The following ELF4 variants were observed in gnomAD, a reference collection of about 807,000 sequenced individuals.
ELF4 encodes E74 like ETS transcription factor 4, also known as ETS-related transcription factor Elf-4.
ELF4 carries 10 observed loss-of-function variants against 31.7 expected under a neutral mutation model. The observed-to-expected ratio is 0.32, with a 90% CI of 0.19 to 0.54. The LOEUF is 0.54. ELF4 is among the 20% of genes least tolerant of loss of function. The pLI, the probability that ELF4 is intolerant of heterozygous loss-of-function variation, is 0.95. For missense variants in ELF4, 418 were observed against 522.0 expected (o/e 0.80, Z 1.94); for synonymous variants, 208 against 226.7 (o/e 0.92, Z 0.74).
intron 1 of ELF4, among the ~76,000 whole-genome samples, chrX:130,087,881 G>A (rs1317396468): frequency 8.9e-6 from 1 of 112,009 alleles, no homozygotes; most frequent in Non-Finnish European, 1.9e-5. Flanking sequence ...TGGAGGTGGC[G>A]GGATGAAATG....
At chrX:130,081,754 C>T (rs543221676) in intron 1 of ELF4, among the ~76,000 whole-genome samples, 3 of 112,296 alleles carry the variant, frequency 2.7e-5, no homozygotes, top group African/African-American at 9.7e-5. Flanking sequence ...GAATGGCCTC[C>T]AGTGGGAAGT....
intron 1 of ELF4, among the ~76,000 whole-genome samples, chrX:130,106,348 C>T (rs1025836564): frequency 9.0e-6 from 1 of 111,251 alleles, no homozygotes; most frequent in Non-Finnish European, 1.9e-5. Context: ...TCTTCCCCAG[C>T]GCCTCCTTCT....
chrX:130,082,764 A>C (rs1932903791), intron 1 of ELF4, among the ~76,000 whole-genome samples: 1 of 106,008 alleles, frequency 9.4e-6, no homozygotes, highest in South Asian at 4.1e-4. Flanking sequence ...CCACCCCATC[A>C]CTGGAGCTTC....
intron 1 of ELF4, among the ~76,000 whole-genome samples, chrX:130,099,690 G>C (rs1569409729): frequency 9.0e-6 from 1 of 111,236 alleles, no homozygotes; most frequent in Non-Finnish European, 1.9e-5. Flanking sequence ...CCAGGCTGGA[G>C]TGCAGCAGTG....
At chrX:130,087,583 T>C (rs999974621) in intron 1 of ELF4, among the ~76,000 whole-genome samples, 1 of 112,258 alleles carries the variant, frequency 8.9e-6, no homozygotes, top group East Asian at 2.8e-4. Flanking sequence ...AGGGTGTGCC[T>C]CAGCCTCCTG....
intron 1 of ELF4, among the ~76,000 whole-genome samples, chrX:130,105,195 C>G (rs993398979): frequency 9.0e-6 from 1 of 111,113 alleles, no homozygotes; most frequent in African/African-American, 3.3e-5. Context: ...AAGAAGGTGG[C>G]AACTCAAGGG....
At chrX:130,111,158 G>C (rs1271838666), upstream of ELF4, among the ~76,000 whole-genome samples, 1 of 109,872 alleles carries the variant, frequency 9.1e-6, no homozygotes, top group Non-Finnish European at 1.9e-5. Context: ...GCTCGCGCCC[G>C]GGGGACCACG....
At chrX:130,084,059 G>A (rs183225895) in intron 1 of ELF4, among the ~76,000 whole-genome samples, 172 of 112,332 alleles carry the variant, frequency 1.5e-3, no homozygotes, top group African/African-American at 4.9e-3. Context: ...CGCTATTTGC[G>A]TTGGTTGTGG....
chrX:130,070,292 G>A lies in ELF4; in HGVS notation c.810-615C>T, dbSNP rs188250748. 2.2e-4 allele frequency among the ~76,000 whole-genome samples: 25 copies of A among 111,413 alleles called. No individual in the cohort carries two copies. In the East Asian group the frequency reaches 6.5e-3, roughly 29 times the overall value. On this transcript the variant is annotated intron_variant, in intron 7 of 8. Transcript: ENST00000308167. ...CTCTATTAAAAATACAAAAAATGAG[G>A]CCAGGCGCCGTGACTCACGCCTGTA...
rs757417131 is a variant in ELF4, at chrX:130,064,442, C to T, written c.*2279G>A. Among the ~76,000 whole-genome samples the T allele has an allele frequency of 2.6e-4, 29 of 112,056 alleles. No homozygotes were observed. Among genetic ancestry groups the T allele is most frequent in the South Asian group, 2.2e-3 (6 of 2,685 alleles). On this transcript the variant is annotated 3_prime_UTR_variant, in exon 9 of 9. Transcript: ENST00000308167. ...AGCAAGACTCTGACTCAAAAACAAA[C>T]GAACAAACAAAAACATTGTTGATAG...
At position 130,066,829 on chromosome X, in the gene ELF4, C is replaced by T. The variant is rs1932684139; in HGVS notation, c.1884G>A (p.Glu628=). Residue 628 remains glutamate (E), a synonymous_variant, in exon 9 of 9, where the codon GAG becomes GAA. Coordinates refer to ENST00000308167, the MANE Select transcript of ELF4 (RefSeq NM_001421.4). ...GGCTCCCAGATGTGGTCACACTAGG[C>T]TCAGCCATCAGCAGGGACCCTGAGC... is the stretch of plus-strand genomic sequence containing the variant. The part of the protein sequence containing the change: ...SSGSGSLLMA[E]PSVTTSGSLL... The T allele has an allele frequency of 3.3e-6, 4 of 1,209,914 alleles. No homozygotes were observed. The highest frequency in any genetic ancestry group is 3.5e-5 in the African/African-American group (2 of 57,855).
rs1418119936 is a variant in ELF4 at position 130,065,039 on chromosome X, GAGA to G, written c.*1679_*1681del. 8.7e-5 allele frequency: 15 copies of G among 172,279 alleles called. No individual in the cohort carries two copies. The highest frequency in any genetic ancestry group is 1.8e-4 in the African/African-American group (6 of 33,860). 14.2% of individuals were successfully genotyped at this position (172,279 alleles called of 1,213,427 possible). The stretch of plus-strand genomic sequence containing the variant: ...AACACAGTGCCCTCCAGGGGGCAGG[GAGA>G]AGAAGAGTAGGAGAGGGTGATAGTT... On this transcript the variant is annotated 3_prime_UTR_variant, in exon 9 of 9. Transcript: ENST00000308167.
chrX:130,109,185 G>T, intron 1 of ELF4, among the ~76,000 whole-genome samples: 1 of 112,157 alleles, frequency 8.9e-6, no homozygotes, highest in Non-Finnish European at 1.9e-5. Flanking sequence ...TCAGCTGGCA[G>T]GGGGTGAGTC....
chrX:130,078,007 G>A (rs1932849301), intron 2 of ELF4, among the ~76,000 whole-genome samples: 1 of 110,681 alleles, frequency 9.0e-6, no homozygotes, highest in Admixed American at 9.6e-5. Flanking sequence ...AGTGAAAGGG[G>A]CTGGGTGCGG....
intron 1 of ELF4, among the ~76,000 whole-genome samples, chrX:130,087,131 T>C (rs1465645542): frequency 8.9e-6 from 1 of 112,812 alleles, no homozygotes; most frequent in African/African-American, 3.2e-5. Flanking sequence ...TGGAAGTGCC[T>C]GCGGCCACCA....
At chrX:130,098,103 C>T (rs967184358) in intron 1 of ELF4, among the ~76,000 whole-genome samples, 1 of 112,287 alleles carries the variant, frequency 8.9e-6, no homozygotes, top group African/African-American at 3.2e-5. Context: ...CAGCCTGGAG[C>T]CCCCCTGAGC....
chrX:130,104,277 TACACACACACACACAC>T (rs61193112), intron 1 of ELF4, among the ~76,000 whole-genome samples: 3 of 86,418 alleles, frequency 3.5e-5, no homozygotes, highest in East Asian at 3.9e-4. Context: ...TTCAGTATAT[TACACACACACACACAC>T]ACACACACAC....
In ELF4 at chrX:130,093,734, A is replaced by G. The variant is rs760381962; in HGVS notation, c.-209-12195T>C. On this transcript the variant is annotated intron_variant, in intron 1 of 8. Coordinates refer to ENST00000308167, the MANE Select transcript of ELF4 (RefSeq NM_001421.4). ...GGTTCGGGGGCCTCGTGGTGGATGGACACAATCACCTTGGCTTCCCCGTAG... is the reference window on the plus strand; with the variant it reads ...GGTTCGGGGGCCTCGTGGTGGATGGGCACAATCACCTTGGCTTCCCCGTAG... 9.8e-5 allele frequency among the ~76,000 whole-genome samples: 11 copies of G among 112,067 alleles called. No individual in the cohort carries two copies. The South Asian group carries it at 4.1e-3, about 41-fold the overall frequency.
At chrX:130,098,743 G>A (rs753719551) in intron 1 of ELF4, among the ~76,000 whole-genome samples, 1 of 112,325 alleles carries the variant, frequency 8.9e-6, no homozygotes, top group African/African-American at 3.2e-5. Context: ...AGACAGGGAC[G>A]GAGACTGGAA....
Sources: gnomAD v4.1 joint callset for allele counts (sites outside exome capture counted in the v4.1 genomes callset) on GRCh38, gnomAD v4.1.1 for gene constraint, MANE v1.5 for transcripts, NCBI Gene and HGNC (gene_info 2026-07-23, HGNC 2026-07-21) for gene names.